The following PTPRD variants were observed in gnomAD, a reference collection of about 807,000 sequenced individuals.
PTPRD encodes receptor-type tyrosine-protein phosphatase delta.
PTPRD carries 34 observed loss-of-function variants against 214.5 expected under a neutral mutation model. The observed-to-expected ratio is 0.16, with a 90% CI of 0.12 to 0.21. PTPRD has a LOEUF of 0.21. PTPRD is among the 10% of genes least tolerant of loss of function. PTPRD has a pLI of 1.00. For synonymous variants in PTPRD, 1,128 were observed against 845.7 expected (o/e 1.33, Z -5.79); for missense variants, 2,545 against 2,398.7 (o/e 1.06, Z -1.27).
intron 2 of PTPRD, among the ~76,000 whole-genome samples, chr9:10,387,266 G>T (rs188512156): frequency 4.8e-4 from 73 of 151,958 alleles, no homozygotes; most frequent in African/African-American, 1.7e-3. Flanking sequence ...AATTTGTACA[G>T]TCTCCAATAA....
rs58199646 is a variant in PTPRD, at chr9:8,370,235, C to CATAT, written c.4661+5700_4661+5701insATAT. ...ACACACACACACACACACACACACA[C>CATAT]ACATATATATATATGTGCTGTGAAG... On this transcript the variant is annotated intron_variant, in intron 39 of 45. Transcript: ENST00000381196. 5.2e-5 allele frequency among the ~76,000 whole-genome samples: 3 copies of CATAT among 57,654 alleles called. No individual in the cohort carries two copies. The East Asian group carries it at 1.0e-3, about 20-fold the overall frequency. The allele number at this position is 57,654 out of a possible 152,430, so 37.8% of individuals were successfully genotyped here.
In PTPRD at chr9:9,632,614, T is replaced by TA. The variant is rs373819862; in HGVS notation, c.-286-57834dup. Among the ~76,000 whole-genome samples the TA allele has an allele frequency of 2.6e-3, 386 of 146,662 alleles. 2 individuals are homozygous for TA. The East Asian group carries it at 0.033, about 13-fold the overall frequency. On this transcript the variant is annotated intron_variant, in intron 7 of 45. Transcript: ENST00000381196. ...TAAAGTAAAACAAAAGAGAGAAAGT[T>TA]AAAAAAAAAAAGGAGAGATAGTTCA...
intron 4 of PTPRD, among the ~76,000 whole-genome samples, chr9:9,944,214 T>TGTCA (rs750579265): frequency 6.6e-6 from 1 of 152,128 alleles, no homozygotes; most frequent in Non-Finnish European, 1.5e-5. Flanking sequence ...CTTTCACAGA[T>TGTCA]GTCAATCACT....
At chr9:10,598,711 G>T (rs372911905) in intron 2 of PTPRD, among the ~76,000 whole-genome samples, 2 of 137,076 alleles carry the variant, frequency 1.5e-5, no homozygotes, top group South Asian at 2.4e-4. Context: ...TGTGGTGTGT[G>T]GTGTGTGTGT....
intron 2 of PTPRD, among the ~76,000 whole-genome samples, chr9:10,361,254 C>G (rs1040458567): frequency 6.6e-6 from 1 of 152,148 alleles, no homozygotes; most frequent in African/African-American, 2.4e-5. Context: ...TGCTTTCAAT[C>G]TGTTGTGGTA....
At chr9:9,491,312 G>T (rs1224070740) in intron 8 of PTPRD, among the ~76,000 whole-genome samples, 1 of 151,742 alleles carries the variant, frequency 6.6e-6, no homozygotes, top group Admixed American at 6.6e-5. Context: ...AAAAACTGAT[G>T]GAATTAAAGG....
chr9:9,271,847 A>G (rs1443881760), intron 9 of PTPRD, among the ~76,000 whole-genome samples: 2 of 151,406 alleles, frequency 1.3e-5, no homozygotes, highest in Non-Finnish European at 3.0e-5. Context: ...GAAGTTCAAA[A>G]TTCCAAAAAT....
intron 10 of PTPRD, among the ~76,000 whole-genome samples, chr9:9,079,245 CT>C (rs1050216104): frequency 2.0e-5 from 3 of 152,002 alleles, no homozygotes; most frequent in African/African-American, 7.3e-5. Context: ...CTCTGTTCTA[CT>C]GTTTACTTAC....
rs1034805952 is a variant in PTPRD, at chr9:8,431,710, G to A, written c.4086+4882C>T. On this transcript the variant is annotated intron_variant, in intron 35 of 45. Transcript: ENST00000381196. ...AGCACCTGCATCAAAGTCACCTGAAGAGCTCTTTTAAAATGCAGATTTGTG... is the reference window on the plus strand; with the variant it reads ...AGCACCTGCATCAAAGTCACCTGAAAAGCTCTTTTAAAATGCAGATTTGTG... 6.6e-5 allele frequency among the ~76,000 whole-genome samples: 10 copies of A among 152,234 alleles called. No individual in the cohort carries two copies. In the East Asian group the frequency reaches 1.7e-3, roughly 26 times the overall value.
intron 8 of PTPRD, among the ~76,000 whole-genome samples, chr9:9,560,436 G>C (rs1028769342): frequency 6.6e-6 from 1 of 152,222 alleles, no homozygotes; most frequent in African/African-American, 2.4e-5. Flanking sequence ...GCAAAGATAT[G>C]TTCCTCCTTG....
intron 9 of PTPRD, among the ~76,000 whole-genome samples, chr9:9,309,087 A>T (rs937687666): frequency 2.0e-5 from 3 of 152,158 alleles, no homozygotes; most frequent in Non-Finnish European, 4.4e-5. Flanking sequence ...AAATAAAAAT[A>T]AAAAACCAAG....
chr9:9,411,647 T>C (rs1220055742), intron 8 of PTPRD, among the ~76,000 whole-genome samples: 1 of 152,210 alleles, frequency 6.6e-6, no homozygotes, highest in Middle Eastern at 3.2e-3. Context: ...GTATTTGCTG[T>C]CTGACACCTG....
chr9:8,482,135 G>A (rs557292357), intron 30 of PTPRD, among the ~76,000 whole-genome samples: 1 of 152,170 alleles, frequency 6.6e-6, no homozygotes, highest in African/African-American at 2.4e-5. Flanking sequence ...GTATTTCACT[G>A]ATATTTCATA....
chr9:9,040,176 C>A (rs1039917599), intron 10 of PTPRD, among the ~76,000 whole-genome samples: 1 of 152,174 alleles, frequency 6.6e-6, no homozygotes. Context: ...CAAGTTTATG[C>A]TTTCACTGAT....
chr9:10,036,250 T>C (rs2097178732), intron 3 of PTPRD, among the ~76,000 whole-genome samples: 1 of 152,096 alleles, frequency 6.6e-6, no homozygotes, highest in Non-Finnish European at 1.5e-5. Context: ...TTTAATCCCT[T>C]TCTCCTTGAC....
intron 8 of PTPRD, among the ~76,000 whole-genome samples, chr9:9,490,445 T>C (rs2095848332): frequency 6.6e-6 from 1 of 152,122 alleles, no homozygotes; most frequent in Non-Finnish European, 1.5e-5. Context: ...CATATATTAC[T>C]CTAAAAGCTA....
At chr9:8,837,417 G>T (rs989620528) in intron 11 of PTPRD, among the ~76,000 whole-genome samples, 1 of 152,150 alleles carries the variant, frequency 6.6e-6, no homozygotes, top group African/African-American at 2.4e-5. Flanking sequence ...CAAGATTTTG[G>T]AATTACAAAA....
At chr9:9,632,882 G>A (rs556046212) in intron 7 of PTPRD, among the ~76,000 whole-genome samples, 1 of 152,310 alleles carries the variant, frequency 6.6e-6, no homozygotes. Context: ...AGGAAGAATT[G>A]TTAGGTTTGA....
At chr9:10,546,483 A>C (rs945171686) in intron 2 of PTPRD, among the ~76,000 whole-genome samples, 2 of 86,746 alleles carry the variant, frequency 2.3e-5, no homozygotes, top group African/African-American at 1.0e-4. Context: ...TACTGCAAAG[A>C]AGTAGGGGAA....
Sources: gnomAD v4.1 joint callset for allele counts (sites outside exome capture counted in the v4.1 genomes callset) on GRCh38, gnomAD v4.1.1 for gene constraint, MANE v1.5 for transcripts, NCBI Gene and HGNC (gene_info 2026-07-23, HGNC 2026-07-21) for gene names.